The following CCDC148 variants were observed in gnomAD, a reference collection of about 807,000 sequenced individuals.
The protein encoded by CCDC148 is coiled-coil domain-containing protein 148.
Under a neutral mutation model 85.7 loss-of-function variants are expected in CCDC148, and 89 were observed. The ratio of observed to expected loss-of-function variants is 1.04; its 90% CI spans 0.87 to 1.24. The LOEUF (loss-of-function observed/expected upper bound fraction) is 1.24, where lower values mean the gene tolerates loss of function less well. Among genes scored for constraint, CCDC148 ranks in the 50% most tolerant of loss-of-function variants. The pLI, the probability that CCDC148 is intolerant of heterozygous loss-of-function variation, is 0.00. For missense variants in CCDC148, 692 were observed against 671.7 expected, an observed-to-expected ratio of 1.03 and a Z score of -0.33; for synonymous variants, 230 against 213.9, an observed-to-expected ratio of 1.08 and a Z score of -0.66.
intron 7 of CCDC148, among the ~76,000 whole-genome samples, chr2:158,320,157 G>A (rs6740789): frequency 6.6e-6 from 1 of 152,038 alleles, no homozygotes; most frequent in Non-Finnish European, 1.5e-5. Context: ...GACAGTATGA[G>A]GAAAATTTTA....
chr2:158,338,615 T>A (rs1009324109), intron 7 of CCDC148, 111 bp downstream of exon 7: 2 of 729,702 alleles, frequency 2.7e-6, no homozygotes, highest in Non-Finnish European at 4.4e-6. Flanking sequence ...ATTTATTGAT[T>A]GTATTCCAGT....
chr2:158,310,016 A>G (rs924026248), intron 8 of CCDC148, among the ~76,000 whole-genome samples: 1 of 152,252 alleles, frequency 6.6e-6, no homozygotes, highest in Non-Finnish European at 1.5e-5. Flanking sequence ...AGAGAAGGTC[A>G]GCAGATAAAC....
chr2:158,352,687 C>T (rs955286179), intron 2 of CCDC148, among the ~76,000 whole-genome samples: 3 of 151,842 alleles, frequency 2.0e-5, no homozygotes, highest in Non-Finnish European at 4.4e-5. Flanking sequence ...CCCAATCTAG[C>T]AAGGCAGGCC....
chr2:158,446,706 T>C (rs1417919137), intron 1 of CCDC148, among the ~76,000 whole-genome samples: 1 of 152,214 alleles, frequency 6.6e-6, no homozygotes, highest in Admixed American at 6.5e-5. Flanking sequence ...GTGGAACCAT[T>C]ACCACTATCC....
At chr2:158,272,401 G>A (rs185254759) in intron 9 of CCDC148, among the ~76,000 whole-genome samples, 21 of 152,172 alleles carry the variant, frequency 1.4e-4, no homozygotes, top group Non-Finnish European at 1.9e-4. Context: ...TATAGTTCTC[G>A]GATGAATGGA....
chr2:158,365,844 T>C (rs1684177103), intron 1 of CCDC148, among the ~76,000 whole-genome samples: 1 of 152,088 alleles, frequency 6.6e-6, no homozygotes, highest in Non-Finnish European at 1.5e-5. Flanking sequence ...TGACCACTGT[T>C]GAGGATTAAC....
intron 9 of CCDC148, among the ~76,000 whole-genome samples, chr2:158,292,952 G>T (rs1690962466): frequency 6.6e-6 from 1 of 152,080 alleles, no homozygotes; most frequent in African/African-American, 2.4e-5. Context: ...CATATTCAAA[G>T]GTATAGTAAA....
chr2:158,423,701 C>A (rs1012642886), intron 1 of CCDC148, among the ~76,000 whole-genome samples: 1 of 152,128 alleles, frequency 6.6e-6, no homozygotes, highest in African/African-American at 2.4e-5. Context: ...GCAACACAAG[C>A]CACAATTGAC....
At chr2:158,420,099 T>A (rs1430352842) in intron 1 of CCDC148, 14 of 152,028 alleles carry the variant, frequency 9.2e-5, no homozygotes, top group Non-Finnish European at 2.9e-5. Flanking sequence ...AGCAAGATGA[T>A]AGTAAAATGT....
chr2:158,448,950 C>G (rs1233461107), intron 1 of CCDC148, among the ~76,000 whole-genome samples: 1 of 152,000 alleles, frequency 6.6e-6, no homozygotes, highest in Non-Finnish European at 1.5e-5. Context: ...GCCTCAGCCT[C>G]CTGAGTAGCT....
At chr2:158,174,487 T>C (rs1401511068) in intron 13 of CCDC148, among the ~76,000 whole-genome samples, 1 of 142,720 alleles carries the variant, frequency 7.0e-6, no homozygotes, top group Non-Finnish European at 1.5e-5. Flanking sequence ...TCAGGACACA[T>C]AGCTAAAACA....
At chr2:158,437,412 T>A (rs1199803680) in intron 1 of CCDC148, among the ~76,000 whole-genome samples, 1 of 152,126 alleles carries the variant, frequency 6.6e-6, no homozygotes, top group African/African-American at 2.4e-5. Flanking sequence ...AAAAGGCCTT[T>A]GACAAAATTC....
intron 1 of CCDC148, among the ~76,000 whole-genome samples, chr2:158,383,871 C>T (rs1684978718): frequency 6.6e-6 from 1 of 152,136 alleles, no homozygotes. Context: ...CAATAATGTC[C>T]TTTATAGAAA....
chr2:158,413,265 T>G (rs1411106136), intron 1 of CCDC148, among the ~76,000 whole-genome samples: 3 of 150,554 alleles, frequency 2.0e-5, no homozygotes, highest in Admixed American at 6.6e-5. Context: ...AAACTAACAG[T>G]TTTTTTTTCA....
intron 9 of CCDC148, among the ~76,000 whole-genome samples, chr2:158,300,279 C>G (rs771715988): frequency 1.3e-5 from 2 of 152,152 alleles, no homozygotes; most frequent in African/African-American, 2.4e-5. Flanking sequence ...ATCCACTTCA[C>G]TTCAACAAAA....
chr2:158,444,103 G>C (rs745464509), intron 1 of CCDC148, among the ~76,000 whole-genome samples: 2 of 152,054 alleles, frequency 1.3e-5, no homozygotes, highest in Non-Finnish European at 2.9e-5. Context: ...AGAATTCTTG[G>C]CATAACTGCA....
intron 2 of CCDC148, among the ~76,000 whole-genome samples, chr2:158,352,603 G>C (rs537391023): frequency 1.4e-4 from 21 of 152,266 alleles, no homozygotes; most frequent in Admixed American, 7.2e-4. Flanking sequence ...CGTCTGATTG[G>C]TGTACCTGAA....
chr2:158,390,550 T>A (rs1346793246), intron 1 of CCDC148, among the ~76,000 whole-genome samples: 1 of 152,164 alleles, frequency 6.6e-6, no homozygotes, highest in Non-Finnish European at 1.5e-5. Context: ...TTCTCCAAAA[T>A]TTTAAACTTG....
chr2:158,311,278 C>G (rs185393251), intron 8 of CCDC148, among the ~76,000 whole-genome samples: 1 of 152,186 alleles, frequency 6.6e-6, no homozygotes, highest in Non-Finnish European at 1.5e-5. Flanking sequence ...GAGACCAGCC[C>G]GGCCAACACG....
Sources: gnomAD v4.1 joint callset for allele counts (sites outside exome capture counted in the v4.1 genomes callset) on GRCh38, gnomAD v4.1.1 for gene constraint, MANE v1.5 for transcripts, NCBI Gene and HGNC (gene_info 2026-07-23, HGNC 2026-07-21) for gene names.